Variants in GFRA2 observed in about 807,000 individuals in gnomAD.
GFRA2 encodes the protein GDNF family receptor alpha 2.
Under a neutral mutation model 48.3 loss-of-function variants are expected in GFRA2, and 17 were observed. That is an observed-to-expected ratio of 0.35 (90% CI 0.24 to 0.53). The LOEUF (loss-of-function observed/expected upper bound fraction) is 0.53, where lower values mean the gene tolerates loss of function less well. Among genes scored for constraint, GFRA2 ranks in the 20% least tolerant of loss-of-function variants. The probability of loss-of-function intolerance (pLI) is 0.93; values close to 1 mark genes in which losing one functional copy is unlikely to be tolerated. For missense variants in GFRA2, 660 were observed against 637.3 expected, an observed-to-expected ratio of 1.04 and a Z score of -0.38; for synonymous variants, 305 against 257.2, an observed-to-expected ratio of 1.19 and a Z score of -1.78.
At chr8:21,737,328 C>A (rs530624456) in intron 4 of GFRA2, among the ~76,000 whole-genome samples, 1 of 151,988 alleles carries the variant, frequency 6.6e-6, no homozygotes, top group East Asian at 1.9e-4. Flanking sequence ...AAGATCACGC[C>A]ATTGCAGTCC....
intron 7 of GFRA2, among the ~76,000 whole-genome samples, chr8:21,695,050 A>T (rs980729213): frequency 6.6e-6 from 1 of 152,212 alleles, no homozygotes; most frequent in African/African-American, 2.4e-5. Flanking sequence ...GAGAGGCATG[A>T]TTGATTAGTG....
intron 1 of GFRA2, among the ~76,000 whole-genome samples, chr8:21,786,429 T>G (rs1433375203): frequency 1.3e-5 from 2 of 152,234 alleles, no homozygotes; most frequent in Non-Finnish European, 2.9e-5. Flanking sequence ...AAATACAATT[T>G]TTTTTTCACC....
intron 1 of GFRA2, chr8:21,784,418 C>A: frequency 2.2e-6 from 1 of 448,236 alleles, no homozygotes; most frequent in Non-Finnish European, 4.5e-6. Flanking sequence ...GCCAGAAGTC[C>A]CCTCCTCAAT....
chr8:21,759,941 G>A (rs979525934), intron 3 of GFRA2, among the ~76,000 whole-genome samples: 2 of 151,560 alleles, frequency 1.3e-5, no homozygotes, highest in Non-Finnish European at 2.9e-5. Flanking sequence ...GCCTTTCCGA[G>A]GAGGTGACAT....
intron 7 of GFRA2, among the ~76,000 whole-genome samples, chr8:21,700,822 C>T (rs1043984976): frequency 6.6e-6 from 1 of 152,134 alleles, no homozygotes; most frequent in Admixed American, 6.5e-5. Flanking sequence ...CAGGCTCCCC[C>T]ACCCTTCCTC....
intron 4 of GFRA2, among the ~76,000 whole-genome samples, chr8:21,731,028 C>A (rs1300739971): frequency 6.6e-6 from 1 of 152,128 alleles, no homozygotes; most frequent in Admixed American, 6.5e-5. Flanking sequence ...GTTGCGGACA[C>A]TAACTCGGCT....
At chr8:21,721,037 G>T (rs148544053) in intron 4 of GFRA2, among the ~76,000 whole-genome samples, 2 of 151,556 alleles carry the variant, frequency 1.3e-5, no homozygotes, top group South Asian at 2.1e-4. Context: ...GGGAAGGGAG[G>T]GGAGGGAAGG....
chr8:21,769,653 C>A (rs1342508683), intron 3 of GFRA2, among the ~76,000 whole-genome samples: 1 of 147,128 alleles, frequency 6.8e-6, no homozygotes, highest in African/African-American at 2.5e-5. Context: ...GTATTAGATA[C>A]AAAGCACAGT....
At chr8:21,737,262 G>T (rs893113756) in intron 4 of GFRA2, among the ~76,000 whole-genome samples, 1 of 152,144 alleles carries the variant, frequency 6.6e-6, no homozygotes, top group African/African-American at 2.4e-5. Context: ...TCAGCTACTT[G>T]GGAGGCTGAG....
rs2117071693 is a variant in GFRA2 at position 21,782,503 on chromosome 8, C to G, written c.355+82G>C. 4.7e-6 allele frequency: 5 copies of G among 1,061,010 alleles called. No homozygotes were observed. The East Asian group carries it at 1.3e-4, about 28-fold the overall frequency. The allele number at this position is 1,061,010 out of a possible 1,614,324, so 65.7% of individuals were successfully genotyped here. A position where few individuals can be genotyped will look rare whatever the true frequency, so the allele number is the denominator to read the frequency against. On this transcript the variant is annotated intron_variant, in intron 2 of 8. Transcript: ENST00000524240. ...CAGTTTGCGCCACCACCTAGTCCTC[C>G]CTCCTGAACCCCTGGCCCGCCACAC...
chr8:21,693,408 CGCA>C lies in GFRA2; in HGVS notation c.1273-11_1273-9del. 1.9e-6 allele frequency: 3 copies of C among 1,600,926 alleles called. No homozygotes were observed. The highest frequency in any genetic ancestry group is 2.6e-6 in the Non-Finnish European group (3 of 1,172,872). ...GATGATATTTGTCGTGAGCTGAGTC[CGCA>C]GCAGGAGAAGAATCAGGAACAAAGA... On this transcript the variant is annotated splice_polypyrimidine_tract_variant and intron_variant, in intron 8 of 8. Coordinates refer to ENST00000524240, the MANE Select transcript of GFRA2 (RefSeq NM_001495.5).
At chr8:21,700,058 T>A (rs1248328999) in intron 7 of GFRA2, among the ~76,000 whole-genome samples, 1 of 152,008 alleles carries the variant, frequency 6.6e-6, no homozygotes, top group East Asian at 1.9e-4. Flanking sequence ...AGAGGTGACA[T>A]CAGGGTAGGA....
chr8:21,765,086 C>G (rs1806090625), intron 3 of GFRA2, among the ~76,000 whole-genome samples: 1 of 150,690 alleles, frequency 6.6e-6, no homozygotes, highest in South Asian at 2.1e-4. Flanking sequence ...CTTCCTCTTT[C>G]TTTCTTTTTC....
rs201515239 is a variant in GFRA2, at chr8:21,750,107, A to ACACACACACACACACACACG, written c.794+480_794+481insCGTGTGTGTGTGTGTGTGTG. Among the ~76,000 whole-genome samples, 583 of 150,736 alleles carry ACACACACACACACACACACG rather than the reference A, an allele frequency of 3.9e-3. 3 individuals are homozygous for ACACACACACACACACACACG. The highest frequency in any genetic ancestry group is 6.0e-3 in the Non-Finnish European group (408 of 67,754). On this transcript the variant is annotated intron_variant, in intron 4 of 8. Coordinates refer to ENST00000524240, the MANE Select transcript of GFRA2 (RefSeq NM_001495.5). The surrounding 1 kb of genome is among the most constrained non-coding windows in gnomAD (Gnocchi z 5.7). ...TGTGTATACACACACACACACACAC[A>ACACACACACACACACACACG]CACGCACATATATAGGTAGAGACTG... is the stretch of plus-strand genomic sequence containing the variant.
chr8:21,761,842 C>T (rs892126586), intron 3 of GFRA2, among the ~76,000 whole-genome samples: 12 of 152,042 alleles, frequency 7.9e-5, no homozygotes, highest in East Asian at 3.9e-4. Context: ...CCCAGCTACT[C>T]GGGAGGCTGA....
chr8:21,717,014 T>C (rs2117426420), intron 4 of GFRA2, among the ~76,000 whole-genome samples: 1 of 152,384 alleles, frequency 6.6e-6, no homozygotes. Flanking sequence ...ACACTGCTAC[T>C]GCTATTTTTC....
At chr8:21,700,588 G>A (rs557948238) in intron 7 of GFRA2, among the ~76,000 whole-genome samples, 1 of 152,252 alleles carries the variant, frequency 6.6e-6, no homozygotes, top group South Asian at 2.1e-4. Flanking sequence ...CTGGCTGTGG[G>A]GCTGTGGACA....
intron 2 of GFRA2, among the ~76,000 whole-genome samples, chr8:21,795,001 G>C (rs1372019350): frequency 1.2e-4 from 18 of 152,280 alleles, no homozygotes; most frequent in South Asian, 4.1e-4. Flanking sequence ...GGTAGGCACC[G>C]GCAGGAGGTG....
chr8:21,788,126 A>G lies in GFRA2; in HGVS notation c.34T>C (p.Phe12Leu). The change falls in exon 1 of 9, where the codon TTT (phenylalanine) becomes CTT (leucine). Residue 12 changes from phenylalanine to leucine, a missense_variant. Coordinates refer to ENST00000524240, the MANE Select transcript of GFRA2 (RefSeq NM_001495.5). ...ILANVFCLFF[F>L]LDETLRSLAS... is the part of the protein sequence containing the mutation. ...GCCGCCCGCAGGTACTCACCTAGAA[A>G]GAAGAAGAGGCAGAAGACGTTTGCC... 4 of 1,594,332 alleles carry G rather than the reference A, an allele frequency of 2.5e-6. No individual in the cohort carries two copies. The highest frequency in any genetic ancestry group is 3.4e-6 in the Non-Finnish European group (4 of 1,169,344).
Sources: allele counts gnomAD v4.1 joint callset (sites outside exome capture counted in the v4.1 genomes callset), GRCh38; gene constraint gnomAD v4.1.1; non-coding constraint Gnocchi (gnomAD v3.1); transcripts MANE v1.5; gene names NCBI Gene and HGNC (gene_info 2026-07-23, HGNC 2026-07-21).